The following DPP10 variants were observed in gnomAD, a reference collection of about 807,000 sequenced individuals.
The protein encoded by DPP10 is inactive dipeptidyl peptidase 10.
A neutral mutation model predicts 120.9 loss-of-function variants in DPP10; 33 were observed. The observed-to-expected ratio is 0.27, with a 90% confidence interval of 0.21 to 0.37. The LOEUF (loss-of-function observed/expected upper bound fraction) is 0.37. Ranked by LOEUF, DPP10 falls within the 10% of genes least tolerant of loss-of-function variation. The pLI is 1.00. For synonymous variants in DPP10, 337 were observed against 326.1 expected, an observed-to-expected ratio of 1.03 and a Z score of -0.36; for missense variants, 816 against 942.8, an observed-to-expected ratio of 0.87 and a Z score of 1.76.
chr2:115,363,869 A>G (rs1280446115), intron 3 of DPP10, among the ~76,000 whole-genome samples: 1 of 152,130 alleles, frequency 6.6e-6, no homozygotes, highest in African/African-American at 2.4e-5. Flanking sequence ...TCGGGCCAAT[A>G]AGGTTTGGTT....
At chr2:115,580,293 T>C (rs1229756993) in intron 5 of DPP10, 1 of 152,214 alleles carries the variant, frequency 6.6e-6, no homozygotes, top group Non-Finnish European at 1.5e-5. Flanking sequence ...TATATCCACT[T>C]GTCACAATCA....
intron 2 of DPP10, among the ~76,000 whole-genome samples, chr2:115,339,050 G>C (rs565615359): frequency 1.3e-5 from 2 of 152,084 alleles, no homozygotes; most frequent in Non-Finnish European, 2.9e-5. Context: ...TGAAATTCAC[G>C]TATCTGACAA....
chr2:115,657,589 C>T (rs968971513), intron 5 of DPP10, among the ~76,000 whole-genome samples: 1 of 151,706 alleles, frequency 6.6e-6, no homozygotes, highest in Non-Finnish European at 1.5e-5. Flanking sequence ...TTCTAATGCT[C>T]AACCACCATT....
At chr2:114,834,685 GTATATATAAGACATATCTACA>G (rs1687513565) in intron 1 of DPP10, among the ~76,000 whole-genome samples, 2 of 121,268 alleles carry the variant, frequency 1.6e-5, no homozygotes, top group Non-Finnish European at 1.7e-5. Context: ...ACACACCTAT[GTATATATAAGACATATCTACA>G]CACCTATGTA....
At chr2:114,644,344 G>C (rs1457603890) in intron 1 of DPP10, among the ~76,000 whole-genome samples, 1 of 138,940 alleles carries the variant, frequency 7.2e-6, no homozygotes, top group African/African-American at 3.1e-5. Flanking sequence ...GTGTGTGTCT[G>C]TGTGTGTGTG....
intron 1 of DPP10, among the ~76,000 whole-genome samples, chr2:114,673,159 T>C (rs1234232507): frequency 2.0e-5 from 3 of 152,186 alleles, no homozygotes; most frequent in Non-Finnish European, 4.4e-5. Context: ...AATTGTAAGT[T>C]CCTGTGTCTG....
At chr2:114,583,802 C>T (rs897912836) in intron 1 of DPP10, among the ~76,000 whole-genome samples, 3 of 152,122 alleles carry the variant, frequency 2.0e-5, no homozygotes, top group Non-Finnish European at 2.9e-5. Context: ...TATAAGATAA[C>T]GTATTTCAAA....
intron 5 of DPP10, among the ~76,000 whole-genome samples, chr2:115,646,473 C>T (rs2087269569): frequency 1.3e-5 from 2 of 152,094 alleles, no homozygotes; most frequent in Non-Finnish European, 1.5e-5. Flanking sequence ...TACTGTAAGT[C>T]CCACCTGCAT....
At chr2:115,515,198 C>A (rs2077437458) in intron 4 of DPP10, among the ~76,000 whole-genome samples, 1 of 148,462 alleles carries the variant, frequency 6.7e-6, no homozygotes, top group Admixed American at 7.1e-5. Flanking sequence ...AAACAAACAG[C>A]AAAGCAGGCA....
intron 3 of DPP10, among the ~76,000 whole-genome samples, chr2:115,483,354 T>C (rs749689395): frequency 6.6e-6 from 1 of 152,178 alleles, no homozygotes; most frequent in African/African-American, 2.4e-5. Flanking sequence ...AATACTGTTA[T>C]GTAGAAGAGT....
At chr2:115,296,841 TCTTCCCTC>T (rs2060907435) in intron 1 of DPP10, among the ~76,000 whole-genome samples, 1 of 152,024 alleles carries the variant, frequency 6.6e-6, no homozygotes, top group African/African-American at 2.4e-5. Context: ...ATGCATTCCT[TCTTCCCTC>T]CATTAGTAAT....
chr2:115,689,812 C>A, intron 6 of DPP10, 28 bp from the exon 7 acceptor site: 1 of 1,612,436 alleles, frequency 6.2e-7, no homozygotes, highest in Non-Finnish European at 8.5e-7. Flanking sequence ...TCAGTTTGTT[C>A]ATGTAAAAAT....
intron 1 of DPP10, among the ~76,000 whole-genome samples, chr2:114,542,591 T>G (rs1687045910): frequency 2.0e-5 from 3 of 152,202 alleles, no homozygotes; most frequent in Admixed American, 2.0e-4. Flanking sequence ...AGAATAAAGC[T>G]TTGGCATCAA....
At chr2:115,521,961 G>A (rs2077836535) in intron 4 of DPP10, among the ~76,000 whole-genome samples, 1 of 152,076 alleles carries the variant, frequency 6.6e-6, no homozygotes, top group Non-Finnish European at 1.5e-5. Flanking sequence ...TAAGCTACTT[G>A]TGCATTTTTT....
At chr2:114,969,257 A>T (rs1401618679) in intron 1 of DPP10, among the ~76,000 whole-genome samples, 1 of 152,202 alleles carries the variant, frequency 6.6e-6, no homozygotes, top group Non-Finnish European at 1.5e-5. Context: ...TGGTATAAAA[A>T]ACAGAACTAC....
At chr2:114,907,198 T>C (rs979168735) in intron 1 of DPP10, among the ~76,000 whole-genome samples, 1 of 151,992 alleles carries the variant, frequency 6.6e-6, no homozygotes, top group African/African-American at 2.4e-5. Context: ...TCTTCTTTAT[T>C]TTTTTTCTTG....
Position 114,850,556 on chromosome 2 carries a change from C to CT in DPP10, c.60+407727dup, listed in dbSNP as rs199795613. ...CATTTTATTATTCCCAATCATAATT[C>CT]TTTTTTTTTAATAATCTGCTGAGAG... On this transcript the variant is annotated intron_variant, in intron 1 of 25. Transcript: ENST00000410059. Among the ~76,000 whole-genome samples, 93 of 151,224 alleles carry CT rather than the reference C, an allele frequency of 6.1e-4. No individual in the cohort carries two copies. The East Asian group carries it at 9.4e-3, about 15-fold the overall frequency.
chr2:114,550,376 C>T (rs1346761537), intron 1 of DPP10, among the ~76,000 whole-genome samples: 3 of 152,208 alleles, frequency 2.0e-5, no homozygotes, highest in African/African-American at 4.8e-5. Flanking sequence ...CTCAAATAAC[C>T]TTGGGTGATG....
At chr2:114,497,396 CA>C (rs1558814671) in intron 1 of DPP10, among the ~76,000 whole-genome samples, 13 of 123,792 alleles carry the variant, frequency 1.1e-4, no homozygotes, top group African/African-American at 4.3e-4. Flanking sequence ...CATACACATA[CA>C]TATACATATA....
Sources: allele counts gnomAD v4.1 joint callset (sites outside exome capture counted in the v4.1 genomes callset), GRCh38; gene constraint gnomAD v4.1.1; transcripts MANE v1.5; gene names NCBI Gene and HGNC (gene_info 2026-07-23, HGNC 2026-07-21).